Variants in SCHIP1 observed in about 807,000 individuals in gnomAD.
SCHIP1 encodes the protein schwannomin interacting protein 1.
Under a neutral mutation model 29.7 loss-of-function variants are expected in SCHIP1, and 8 were observed. The ratio of observed to expected loss-of-function variants is 0.27; its 90% CI spans 0.16 to 0.49. The LOEUF (loss-of-function observed/expected upper bound fraction) is 0.49, where lower values mean the gene tolerates loss of function less well. SCHIP1 is among the 20% of genes least tolerant of loss of function. The pLI, the probability that SCHIP1 is intolerant of heterozygous loss-of-function variation, is 0.99. For missense variants in SCHIP1, 193 were observed against 294.6 expected (o/e 0.66, Z 2.52); for synonymous variants, 76 against 94.9 (o/e 0.80, Z 1.16).
At chr3:159,625,442 A>G in the SCHIP1 span, among the ~76,000 whole-genome samples, 1 of 152,190 alleles carries the variant, frequency 6.6e-6, no homozygotes, top group African/African-American at 2.4e-5. Flanking sequence ...ATTACATTTC[A>G]AATACGTACC....
chr3:159,530,488 C>G, the SCHIP1 span, among the ~76,000 whole-genome samples: 2 of 152,166 alleles, frequency 1.3e-5, no homozygotes, highest in Non-Finnish European at 2.9e-5. Context: ...AGATGGCTGG[C>G]CTTTTCCTTA....
At chr3:159,820,305 G>GCCCACCTCCAT in the SCHIP1 span, among the ~76,000 whole-genome samples, 8 of 152,212 alleles carry the variant, frequency 5.3e-5, no homozygotes, top group East Asian at 1.5e-3. Flanking sequence ...CCCACCTCCA[G>GCCCACCTCCAT]CCCCCACAAC....
At chr3:159,664,429 C>G in the SCHIP1 span, among the ~76,000 whole-genome samples, 1 of 151,416 alleles carries the variant, frequency 6.6e-6, no homozygotes, top group African/African-American at 2.4e-5. Flanking sequence ...ATTAAAACAT[C>G]TCAAGTGTTT....
the SCHIP1 span, among the ~76,000 whole-genome samples, chr3:159,486,987 A>G: frequency 6.6e-6 from 1 of 152,208 alleles, no homozygotes; most frequent in Admixed American, 6.5e-5. Flanking sequence ...ATTTTTTGGC[A>G]GCTAGCAATG....
At chr3:159,819,066 G>A in the SCHIP1 span, among the ~76,000 whole-genome samples, 1 of 152,216 alleles carries the variant, frequency 6.6e-6, no homozygotes, top group East Asian at 1.9e-4. Flanking sequence ...GCAGTCATCT[G>A]AAAGCTTGAC....
chr3:159,768,996 A>G, the SCHIP1 span, among the ~76,000 whole-genome samples: 1 of 152,152 alleles, frequency 6.6e-6, no homozygotes, highest in Admixed American at 6.5e-5. Context: ...TTGTGCGTGA[A>G]CACTCTTAAT....
At chr3:159,275,407 TATTAA>T in the SCHIP1 span, among the ~76,000 whole-genome samples, 2 of 152,168 alleles carry the variant, frequency 1.3e-5, no homozygotes, top group Non-Finnish European at 2.9e-5. Flanking sequence ...CATTCTGGTT[TATTAA>T]ATTGTACATT....
chr3:159,503,397 T>C, the SCHIP1 span, among the ~76,000 whole-genome samples: 1 of 152,188 alleles, frequency 6.6e-6, no homozygotes, highest in African/African-American at 2.4e-5. Flanking sequence ...TAAATAATAA[T>C]ACAGACTTCA....
the SCHIP1 span, among the ~76,000 whole-genome samples, chr3:159,519,965 A>C: frequency 6.6e-6 from 1 of 151,936 alleles, no homozygotes; most frequent in African/African-American, 2.4e-5. Context: ...GGGGCACAGC[A>C]CAACCCTCCA....
the SCHIP1 span, among the ~76,000 whole-genome samples, chr3:159,584,747 C>A: frequency 6.6e-6 from 1 of 152,086 alleles, no homozygotes; most frequent in African/African-American, 2.4e-5. Flanking sequence ...TGGGATGGGA[C>A]TACCACAGCC....
rs535788438 is a variant in SCHIP1 at position 159,863,553 on chromosome 3, A to C, written c.31-2610A>C. Among the ~76,000 whole-genome samples, 4 of 152,346 alleles carry C rather than the reference A, an allele frequency of 2.6e-5. No individual in the cohort carries two copies. In the South Asian group the frequency reaches 8.3e-4, roughly 32 times the overall value. On this transcript the variant is annotated intron_variant, in intron 1 of 6. Transcript: ENST00000445224. ...AAGGGATACAAGGGCAATTCTGAAA[A>C]TCTAATAAATAATATGATCTCAACT...
the SCHIP1 span, among the ~76,000 whole-genome samples, chr3:159,619,654 T>C: frequency 6.6e-6 from 1 of 152,212 alleles, no homozygotes; most frequent in Non-Finnish European, 1.5e-5. Context: ...TTTATTGGAG[T>C]CCATAAAACA....
chr3:159,314,886 G>A, the SCHIP1 span, among the ~76,000 whole-genome samples: 5 of 152,236 alleles, frequency 3.3e-5, 1 homozygote, highest in Middle Eastern at 0.014. Context: ...ATATATTACA[G>A]CCTATTTATC....
the SCHIP1 span, among the ~76,000 whole-genome samples, chr3:159,811,386 A>T: frequency 6.6e-6 from 1 of 152,182 alleles, no homozygotes; most frequent in African/African-American, 2.4e-5. Context: ...GGTTGCAAAG[A>T]TCTTCTGCTT....
the SCHIP1 span, among the ~76,000 whole-genome samples, chr3:159,488,236 A>G: frequency 2.0e-5 from 3 of 152,214 alleles, no homozygotes; most frequent in South Asian, 4.1e-4. Context: ...ACACACAAAA[A>G]ATAGCTAGAA....
At chr3:159,763,214 G>A in the SCHIP1 span, among the ~76,000 whole-genome samples, 1 of 152,236 alleles carries the variant, frequency 6.6e-6, no homozygotes, top group South Asian at 2.1e-4. Context: ...CGGCGAGGAG[G>A]AAGGTGGAAG....
intron 6 of SCHIP1, chr3:159,894,808 T>C (rs1717899404): frequency 6.6e-6 from 1 of 152,196 alleles, no homozygotes; most frequent in Admixed American, 6.5e-5. Flanking sequence ...TTTAGTTTTA[T>C]GGACTGAAAC....
chr3:159,752,402 A>T, the SCHIP1 span, among the ~76,000 whole-genome samples: 1 of 152,118 alleles, frequency 6.6e-6, no homozygotes, highest in Non-Finnish European at 1.5e-5. Context: ...GTATAATATT[A>T]TACCCTCTTT....
the SCHIP1 span, among the ~76,000 whole-genome samples, chr3:159,371,259 G>C: frequency 6.6e-6 from 1 of 152,128 alleles, no homozygotes; most frequent in Non-Finnish European, 1.5e-5. Context: ...AAAATCCAGA[G>C]GTGAATAAAT....
Sources: allele counts gnomAD v4.1 joint callset (sites outside exome capture counted in the v4.1 genomes callset), GRCh38; gene constraint gnomAD v4.1.1; transcripts MANE v1.5; gene names NCBI Gene and HGNC (gene_info 2026-07-23, HGNC 2026-07-21).